The following DAGLB variants were observed in gnomAD, a reference collection of about 807,000 sequenced individuals.
DAGLB encodes the protein diacylglycerol lipase beta, also known as diacylglycerol lipase-beta.
Under a neutral mutation model 72.1 loss-of-function variants are expected in DAGLB, and 66 were observed. The ratio of observed to expected loss-of-function variants is 0.92; its 90% CI spans 0.75 to 1.12. DAGLB has a LOEUF of 1.12. DAGLB is among the 50% of genes most tolerant of loss of function. DAGLB has a pLI of 0.00. For synonymous variants in DAGLB, 414 were observed against 359.5 expected, an observed-to-expected ratio of 1.15 and a Z score of -1.71; for missense variants, 1,065 against 884.9, an observed-to-expected ratio of 1.20 and a Z score of -2.58.
At position 6,412,829 on chromosome 7, in the gene DAGLB, C is replaced by T. The variant is rs770618870; in HGVS notation, c.1551G>A (p.Ala517=). Residue 517 remains alanine, a synonymous_variant, in exon 13 of 15, where the codon GCG becomes GCA. Transcript: ENST00000297056. ...DLKRRILRVV[A]HCNKPKYKIL... is the part of the protein sequence containing the mutation. Reference sequence around the variant, plus strand: ...CGCTTACCTTGGGTTTATTGCAGTGCGCGACCACTCGCAAGATTCTTCTCT... The same window carrying T: ...CGCTTACCTTGGGTTTATTGCAGTGTGCGACCACTCGCAAGATTCTTCTCT... The T allele has an allele frequency of 2.3e-5, 37 of 1,591,974 alleles. No individual in the cohort carries two copies. The highest frequency in any genetic ancestry group is 2.7e-5 in the Non-Finnish European group (31 of 1,166,894).
chr7:6,437,189 AATAGTAATAATT>A (rs910875652), intron 2 of DAGLB, among the ~76,000 whole-genome samples: 2 of 149,262 alleles, frequency 1.3e-5, no homozygotes, highest in African/African-American at 4.9e-5. Context: ...TAATAATAAT[AATAGTAATAATT>A]ATGCTGAGAC....
At chr7:6,412,568 A>G in intron 13 of DAGLB, 1 of 538,648 alleles carries the variant, frequency 1.9e-6, no homozygotes. Context: ...TTCCAGGCAT[A>G]CACCACTGCT....
At chr7:6,447,609 A>G in intron 1 of DAGLB, 139 bp downstream of exon 1, 1 of 1,225,230 alleles carries the variant, frequency 8.2e-7, no homozygotes, top group Non-Finnish European at 1.1e-6. Context: ...CAGTGGTGAG[A>G]ACTCGATAAG....
Position 6,434,817 on chromosome 7 carries a change from T to C in DAGLB, c.623A>G (p.Asp208Gly). The change falls in exon 4 of 15, where the codon GAC becomes GGC. Residue 208 changes from aspartate to glycine, a missense_variant. Asp to Gly is a moderately conservative substitution (Grantham distance 94). Coordinates refer to ENST00000297056, the MANE Select transcript of DAGLB (RefSeq NM_139179.4). ...ACTCGAAAAAGCAACCCGAGTATGG[T>C]CGTCTTTCCCAATGCAACAGCACAA... ...KLLCCCIGKD[D>G]HTRVAFSSTA... The C allele has an allele frequency of 1.9e-6, 3 of 1,614,144 alleles. No homozygotes were observed. Among genetic ancestry groups the C allele is most frequent in the Non-Finnish European group, 2.5e-6 (3 of 1,180,022 alleles).
rs779418437 is a variant in DAGLB at position 6,413,000 on chromosome 7, C to T, written c.1462G>A (p.Val488Met). ...ACATCCTTCCCCAGGACGAGTGACACGATGAAGCTCTGAGAATATTCCTGC... is the reference window on the plus strand; with the variant it reads ...ACATCCTTCCCCAGGACGAGTGACATGATGAAGCTCTGAGAATATTCCTGC... ...ALQEYSQSFI[V>M]SLVLGKDVIP... Residue 488 changes from valine to methionine, a missense_variant, in exon 12 of 15, where the codon GTG becomes ATG. By Grantham distance (21) the Val-to-Met change is conservative. Transcript: ENST00000297056. 57 of 1,613,768 alleles carry T rather than the reference C, an allele frequency of 3.5e-5. No homozygotes were observed. The highest frequency in any genetic ancestry group is 1.6e-4 in the Middle Eastern group (1 of 6,080).
At chr7:6,430,371 G>T (rs1784448520) in intron 6 of DAGLB, 109 bp downstream of exon 6, 1 of 1,257,854 alleles carries the variant, frequency 8.0e-7, no homozygotes, top group Admixed American at 3.7e-5. Flanking sequence ...CTAGGTAAAG[G>T]ATTCATGGGA....
In DAGLB at chr7:6,436,393, C is replaced by G. The variant is rs374065896; in HGVS notation, c.388G>C (p.Val130Leu). ...ADGVQCDRTV[V>L]NGIIATVVVS... ...ACGACGGTTGCGATGATGCCGTTTA[C>G]AACTGTCCTGTCGCACTGAACACCA... Residue 130 changes from valine (V) to leucine (L), a missense_variant, in exon 3 of 15, where the codon GTA (valine) becomes CTA (leucine). Physicochemically the swap from Val to Leu is conservative, Grantham distance 32. Coordinates refer to ENST00000297056, the MANE Select transcript of DAGLB (RefSeq NM_139179.4). 49 of 1,613,352 alleles carry G rather than the reference C, an allele frequency of 3.0e-5. No individual in the cohort carries two copies. The African/African-American group carries it at 4.9e-4, about 16-fold the overall frequency.
chr7:6,416,749 G>A lies in DAGLB; in HGVS notation c.1305C>T (p.Tyr435=), dbSNP rs1783931342. The A allele has an allele frequency of 6.2e-7, 1 of 1,613,646 alleles. No homozygotes were observed. The highest frequency in any genetic ancestry group is 8.5e-7 in the Non-Finnish European group (1 of 1,179,844). Residue 435 remains tyrosine (Y), a synonymous_variant, in exon 11 of 15, where the codon TAC becomes TAT. Transcript: ENST00000297056. ...GGCTGTGGCCCACTATGACCAGCCG[G>A]TACTCCTAGAGGACAGACAGCAGAA... ...LSQAFSIAPE[Y]RLVIVGHSLG...
At chr7:6,420,021 C>T (rs1438834300) in intron 9 of DAGLB, among the ~76,000 whole-genome samples, 1 of 152,188 alleles carries the variant, frequency 6.6e-6, no homozygotes, top group African/African-American at 2.4e-5. Flanking sequence ...GTGGCACACG[C>T]CTGTAATCCC....
chr7:6,417,949 C>T (rs771666013), intron 9 of DAGLB, among the ~76,000 whole-genome samples: 6 of 152,138 alleles, frequency 3.9e-5, no homozygotes, highest in Non-Finnish European at 8.8e-5. Flanking sequence ...CGGCTCACTG[C>T]AACCTCTGCC....
chr7:6,437,443 C>G (rs1784701325), intron 2 of DAGLB, among the ~76,000 whole-genome samples: 1 of 152,090 alleles, frequency 6.6e-6, no homozygotes, highest in South Asian at 2.1e-4. Context: ...AGCTACCATT[C>G]TTTTTGGAGA....
chr7:6,413,634 GAAA>G lies in DAGLB; in HGVS notation c.1428-603_1428-601del, dbSNP rs796974610. On this transcript the variant is annotated intron_variant, in intron 11 of 14. Transcript: ENST00000297056. ...GACAGAGCGAGACTCCATCTCAAAA[GAAA>G]AAAAAAAAAAAAAGATGCCCCAGCA... is the stretch of plus-strand genomic sequence containing the variant. Among the ~76,000 whole-genome samples the G allele has an allele frequency of 5.3e-5, 5 of 95,128 alleles. No homozygotes were observed. In the East Asian group the frequency reaches 8.1e-4, roughly 15 times the overall value. 62.4% of individuals were successfully genotyped at this position (95,128 alleles called of 152,430 possible).
chr7:6,433,792 G>C (rs1335609800), intron 4 of DAGLB, among the ~76,000 whole-genome samples: 1 of 151,656 alleles, frequency 6.6e-6, no homozygotes, highest in African/African-American at 2.4e-5. Context: ...AGGAGGTGGA[G>C]GTTGTGCCAA....
At chr7:6,433,277 T>G (rs1008338373) in intron 4 of DAGLB, among the ~76,000 whole-genome samples, 1 of 152,182 alleles carries the variant, frequency 6.6e-6, no homozygotes, top group Admixed American at 6.5e-5. Flanking sequence ...AATGGATAAA[T>G]TGTCCGTTTT....
intron 2 of DAGLB, among the ~76,000 whole-genome samples, chr7:6,442,404 G>A (rs750799638): frequency 6.6e-6 from 1 of 151,684 alleles, no homozygotes; most frequent in Non-Finnish European, 1.5e-5. Flanking sequence ...AGGTAAAGAC[G>A]TCCCAACACC....
chr7:6,445,402 T>C (rs1352368842), intron 2 of DAGLB, among the ~76,000 whole-genome samples: 1 of 152,182 alleles, frequency 6.6e-6, no homozygotes, highest in Non-Finnish European at 1.5e-5. Flanking sequence ...ATTCCACTTA[T>C]ATGATGTCCA....
chr7:6,421,667 G>A, intron 9 of DAGLB, 60 bp downstream of exon 9: 1 of 1,543,684 alleles, frequency 6.5e-7, no homozygotes, highest in Non-Finnish European at 8.8e-7. Flanking sequence ...CCTGACCCGA[G>A]GCACCCATCT....
intron 13 of DAGLB, 142 bp from the exon 14 acceptor site, chr7:6,410,522 C>T (rs1397011094): frequency 5.4e-6 from 7 of 1,294,882 alleles, no homozygotes; most frequent in South Asian, 1.5e-5. Flanking sequence ...AAAGATGCAC[C>T]GGCGAGCTGT....
At chr7:6,417,345 A>G (rs702486) in intron 9 of DAGLB, 87,537 of 158,112 alleles carry the variant, frequency 0.55, 26,566 homozygotes, top group East Asian at 0.81. Context: ...GGTCGCTGGA[A>G]CACATGAAGT....
Sources: allele counts gnomAD v4.1 joint callset (sites outside exome capture counted in the v4.1 genomes callset), GRCh38; gene constraint gnomAD v4.1.1; transcripts MANE v1.5; gene names NCBI Gene and HGNC (gene_info 2026-07-23, HGNC 2026-07-21).